The following ZBTB20 variants were observed in gnomAD, a reference collection of about 807,000 sequenced individuals.
The protein encoded by ZBTB20 is zinc finger and BTB domain containing 20, also known as zinc finger and BTB domain-containing protein 20.
Under a neutral mutation model 56.9 loss-of-function variants are expected in ZBTB20, and 9 were observed. The ratio of observed to expected loss-of-function variants is 0.16; its 90% confidence interval spans 0.10 to 0.28. The LOEUF (loss-of-function observed/expected upper bound fraction) is 0.28, where lower values mean the gene tolerates loss of function less well. Among genes scored for constraint, ZBTB20 ranks in the 10% least tolerant of loss-of-function variants. ZBTB20 has a pLI of 1.00. For synonymous variants in ZBTB20, 417 were observed against 420.7 expected, an observed-to-expected ratio of 0.99 and a Z score of 0.11; for missense variants, 655 against 1,003.0, an observed-to-expected ratio of 0.65 and a Z score of 4.69.
At chr3:114,890,721 C>T (rs1462332112) in intron 4 of ZBTB20, among the ~76,000 whole-genome samples, 3 of 151,954 alleles carry the variant, frequency 2.0e-5, no homozygotes, top group African/African-American at 7.3e-5. Flanking sequence ...GCACATTGTG[C>T]ACATGTACCC....
intron 10 of ZBTB20, among the ~76,000 whole-genome samples, chr3:114,376,276 C>A (rs975958455): frequency 2.0e-5 from 3 of 152,272 alleles, no homozygotes; most frequent in African/African-American, 7.2e-5. Context: ...TGGATAAAAA[C>A]AATGTCCCCA....
At chr3:114,627,061 G>T (rs898136155) in intron 6 of ZBTB20, among the ~76,000 whole-genome samples, 1 of 152,078 alleles carries the variant, frequency 6.6e-6, no homozygotes, top group East Asian at 1.9e-4. Flanking sequence ...TACTAGACCT[G>T]GTCAAGCATT....
At chr3:114,534,669 C>A (rs1259832630) in intron 6 of ZBTB20, among the ~76,000 whole-genome samples, 1 of 152,168 alleles carries the variant, frequency 6.6e-6, no homozygotes, top group Non-Finnish European at 1.5e-5. Flanking sequence ...CTCTCCACCC[C>A]AAATTAACAG....
intron 3 of ZBTB20, among the ~76,000 whole-genome samples, chr3:114,921,278 A>G (rs1375667642): frequency 6.6e-6 from 1 of 152,032 alleles, no homozygotes; most frequent in Admixed American, 6.6e-5. Context: ...ACCCACCACT[A>G]CACCCAGCTA....
rs1011653525 is a variant in ZBTB20 at position 114,682,221 on chromosome 3, C to T, written c.-295+11307G>A. Among the ~76,000 whole-genome samples the T allele has an allele frequency of 3.3e-5, 5 of 151,916 alleles. No individual in the cohort carries two copies. The East Asian group carries it at 9.7e-4, about 29-fold the overall frequency. On this transcript the variant is annotated intron_variant, in intron 6 of 11. Coordinates refer to ENST00000675478, the MANE Select transcript of ZBTB20 (RefSeq NM_001348800.3). ...AGTGTTCACAGTGTTTTACCAAAAA[C>T]AAAAAGGGTATATATGCACAGGAAA...
intron 7 of ZBTB20, among the ~76,000 whole-genome samples, chr3:114,492,589 C>A (rs150725853): frequency 6.6e-6 from 1 of 152,306 alleles, no homozygotes; most frequent in East Asian, 1.9e-4. Flanking sequence ...CTCTAGTCTG[C>A]CTCTTATGTG....
chr3:114,848,264 G>A (rs957106439), intron 4 of ZBTB20, among the ~76,000 whole-genome samples: 3 of 152,038 alleles, frequency 2.0e-5, no homozygotes, highest in African/African-American at 7.2e-5. Flanking sequence ...GAACACATGC[G>A]GGCAGGTAAA....
intron 4 of ZBTB20, chr3:114,873,210 T>C (rs2076071405): frequency 6.6e-6 from 1 of 152,122 alleles, no homozygotes; most frequent in East Asian, 1.9e-4. Flanking sequence ...TCTTGTCTCT[T>C]TTATGGTCAA....
chr3:115,003,553 A>C (rs750569627), intron 2 of ZBTB20, among the ~76,000 whole-genome samples: 25 of 151,526 alleles, frequency 1.6e-4, no homozygotes, highest in African/African-American at 5.8e-4. Context: ...TAAGAAGCTG[A>C]GTGTGGTGAT....
chr3:114,642,960 C>T (rs774583463), intron 6 of ZBTB20, among the ~76,000 whole-genome samples: 12 of 151,802 alleles, frequency 7.9e-5, no homozygotes, highest in Admixed American at 1.3e-4. Flanking sequence ...TCACTTGACC[C>T]GATATATCAA....
chr3:114,701,114 G>C (rs1168684093), intron 5 of ZBTB20, among the ~76,000 whole-genome samples: 1 of 152,104 alleles, frequency 6.6e-6, no homozygotes, highest in East Asian at 1.9e-4. Context: ...GCATATGAAT[G>C]GGCAATAAAA....
chr3:114,556,053 C>T (rs2051179788), intron 6 of ZBTB20, among the ~76,000 whole-genome samples: 1 of 152,128 alleles, frequency 6.6e-6, no homozygotes, highest in African/African-American at 2.4e-5. Flanking sequence ...CAACATCTCA[C>T]TATCCACTAT....
intron 1 of ZBTB20, among the ~76,000 whole-genome samples, chr3:115,125,914 G>A (rs2084319310): frequency 6.6e-6 from 1 of 151,922 alleles, no homozygotes; most frequent in South Asian, 2.1e-4. Flanking sequence ...CATACAAAAA[G>A]AATGCCCTAA....
At chr3:115,118,370 T>C (rs978590332) in intron 1 of ZBTB20, among the ~76,000 whole-genome samples, 4 of 152,162 alleles carry the variant, frequency 2.6e-5, no homozygotes, top group Non-Finnish European at 5.9e-5. Context: ...GTTTGTATTA[T>C]AGATCTCTTC....
chr3:114,915,051 ATG>A (rs1398204564), intron 3 of ZBTB20, among the ~76,000 whole-genome samples: 1 of 150,364 alleles, frequency 6.7e-6, no homozygotes, highest in Non-Finnish European at 1.5e-5. Flanking sequence ...TTTTTTTTAA[ATG>A]TGTCTTTGGT....
intron 4 of ZBTB20, among the ~76,000 whole-genome samples, chr3:114,832,339 C>A (rs1382794163): frequency 1.3e-5 from 2 of 152,010 alleles, no homozygotes; most frequent in African/African-American, 4.8e-5. Flanking sequence ...TCACCTCATT[C>A]TTTGATATAT....
At chr3:115,137,989 C>T (rs769928930) in intron 1 of ZBTB20, among the ~76,000 whole-genome samples, 9 of 152,066 alleles carry the variant, frequency 5.9e-5, no homozygotes, top group African/African-American at 9.7e-5. Flanking sequence ...TTTCGAAACT[C>T]TCAGTGACCC....
intron 4 of ZBTB20, among the ~76,000 whole-genome samples, chr3:114,843,303 A>G (rs2074475929): frequency 6.6e-6 from 1 of 152,152 alleles, no homozygotes; most frequent in Non-Finnish European, 1.5e-5. Flanking sequence ...CAGGCCCTTA[A>G]TCTATCTCCC....
chr3:114,593,559 T>C (rs1286929629), intron 6 of ZBTB20, among the ~76,000 whole-genome samples: 4 of 152,070 alleles, frequency 2.6e-5, no homozygotes, highest in Non-Finnish European at 4.4e-5. Flanking sequence ...TAATTTTGTA[T>C]TTTTAGTAGA....
Sources: allele counts gnomAD v4.1 joint callset (sites outside exome capture counted in the v4.1 genomes callset), GRCh38; gene constraint gnomAD v4.1.1; transcripts MANE v1.5; gene names NCBI Gene and HGNC (gene_info 2026-07-23, HGNC 2026-07-21).